Variants in RXRA observed in about 807,000 individuals in gnomAD.
The protein encoded by RXRA is retinoic acid receptor RXR-alpha.
In RXRA, 5 loss-of-function variants were observed where a neutral mutation model predicts 44.5. The observed-to-expected ratio is 0.11, with a 90% CI of 0.06 to 0.24. The LOEUF (loss-of-function observed/expected upper bound fraction) is 0.24. RXRA is among the 10% of genes least tolerant of loss of function. RXRA has a pLI of 1.00. For missense variants in RXRA, 412 were observed against 646.5 expected (o/e 0.64, Z 3.93); for synonymous variants, 291 against 271.4 (o/e 1.07, Z -0.71).
intron 1 of RXRA, among the ~76,000 whole-genome samples, chr9:134,339,052 C>T (rs1554747722): frequency 1.3e-5 from 2 of 152,372 alleles, no homozygotes; most frequent in Admixed American, 6.5e-5. Context: ...GGACTTGGAG[C>T]CGGACCTAGG....
chr9:134,367,261 G>A (rs931972169), intron 1 of RXRA, among the ~76,000 whole-genome samples: 1 of 152,118 alleles, frequency 6.6e-6, no homozygotes, highest in Non-Finnish European at 1.5e-5. Context: ...CTGGTCTGGC[G>A]TTTGTGATCT....
chr9:134,362,408 C>T (rs930349813), intron 1 of RXRA, among the ~76,000 whole-genome samples: 4 of 152,240 alleles, frequency 2.6e-5, no homozygotes, highest in Non-Finnish European at 5.9e-5. Context: ...AGACACTCTG[C>T]AGCCCGCGTT....
At chr9:134,350,872 C>A (rs1403839476) in intron 1 of RXRA, among the ~76,000 whole-genome samples, 3 of 152,236 alleles carry the variant, frequency 2.0e-5, no homozygotes, top group Non-Finnish European at 4.4e-5. Flanking sequence ...GCCTCCCCTG[C>A]CGCCTTGTCC....
chr9:134,399,603 T>C (rs898173492), intron 1 of RXRA, among the ~76,000 whole-genome samples: 2 of 152,166 alleles, frequency 1.3e-5, no homozygotes, highest in Admixed American at 6.5e-5. Flanking sequence ...CTCCCAGGAG[T>C]TGAATGACCA....
chr9:134,426,787 G>C lies in RXRA; in HGVS notation c.911-2321G>C, dbSNP rs1282998769. The C allele has an allele frequency of 2.0e-6, 2 of 985,310 alleles. No individual in the cohort carries two copies. The highest frequency in any genetic ancestry group is 3.5e-5 in the African/African-American group (2 of 57,224). 61.0% of individuals were successfully genotyped at this position (985,310 alleles called of 1,614,324 possible). A position where few individuals can be genotyped will look rare whatever the true frequency, so the allele number is the denominator to read the frequency against. On this transcript the variant is annotated intron_variant, in intron 6 of 9. Transcript: ENST00000481739. This position sits in a 1 kb window ranked among gnomAD's most constrained non-coding sequence, Gnocchi z 4.6. ...GAGGCAGGCCCGAGAGGCCAGGACT[G>C]GCCAGGGATGGTGGGTTTGGGGCCA... is the stretch of plus-strand genomic sequence containing the variant.
intron 4 of RXRA, among the ~76,000 whole-genome samples, chr9:134,409,621 A>C (rs1831115207): frequency 6.6e-6 from 1 of 152,198 alleles, no homozygotes; most frequent in Admixed American, 6.5e-5. Flanking sequence ...AAAATTGTCA[A>C]GTCATCCAGC....
rs1286936687 is a variant in RXRA, at chr9:134,343,542, A to G, written c.28+16883A>G. Among the ~76,000 whole-genome samples the G allele has an allele frequency of 6.6e-6, 1 of 152,054 alleles. No individual in the cohort carries two copies. Among genetic ancestry groups the G allele is most frequent in the Non-Finnish European group, 1.5e-5 (1 of 68,006 alleles). ...GGGAGGAGTGGTTGCAGGGGCAGCT[A>G]GTTCTGGAACCATCCTAGGACCTAG... is the stretch of plus-strand genomic sequence containing the variant. On this transcript the variant is annotated intron_variant, in intron 1 of 9. Transcript: ENST00000481739. This position sits in a 1 kb window ranked among gnomAD's most constrained non-coding sequence, Gnocchi z 4.1.
At position 134,407,103 on chromosome 9, in the gene RXRA, C is replaced by G. The variant is rs546542656; in HGVS notation, c.280-1046C>G. Among the ~76,000 whole-genome samples, 1 of 152,180 alleles carries G rather than the reference C, an allele frequency of 6.6e-6. No homozygotes were observed. On this transcript the variant is annotated intron_variant, in intron 2 of 9. Coordinates refer to ENST00000481739, the MANE Select transcript of RXRA (RefSeq NM_002957.6). This position sits in a 1 kb window ranked among gnomAD's most constrained non-coding sequence, Gnocchi z 4.8. Reference sequence around the variant, plus strand: ...AGCCTCACAGCCCACCTGGGCAGATCGAGGAAGAACCTAGAAGCCAGAACA... The same window carrying G: ...AGCCTCACAGCCCACCTGGGCAGATGGAGGAAGAACCTAGAAGCCAGAACA...
intron 1 of RXRA, among the ~76,000 whole-genome samples, chr9:134,362,944 G>A (rs527799830): frequency 6.6e-5 from 10 of 152,196 alleles, no homozygotes; most frequent in African/African-American, 1.2e-4. Flanking sequence ...CAGCCACCTC[G>A]GCTCCATTTG....
In RXRA at chr9:134,383,995, G is replaced by A. The variant is rs75831767; in HGVS notation, c.29-17637G>A. On this transcript the variant is annotated intron_variant, in intron 1 of 9. Transcript: ENST00000481739. ...TGTTGTTATTATGAGACTAGCATGT[G>A]CCTGTGGTACAGACCCCAGCTCAAC... is the stretch of plus-strand genomic sequence containing the variant. Among the ~76,000 whole-genome samples the A allele has an allele frequency of 9.7e-3, 1,474 of 152,274 alleles. 14 individuals carry two copies. Among genetic ancestry groups the A allele is most frequent in the Non-Finnish European group, 0.017 (1,124 of 68,006 alleles).
chr9:134,375,589 G>A (rs1830545807), intron 1 of RXRA, among the ~76,000 whole-genome samples: 1 of 152,180 alleles, frequency 6.6e-6, no homozygotes, highest in Non-Finnish European at 1.5e-5. Flanking sequence ...GAGTGACGCT[G>A]GGTTGGCCGT....
chr9:134,397,971 AT>A (rs1009496846), intron 1 of RXRA, among the ~76,000 whole-genome samples: 2 of 151,824 alleles, frequency 1.3e-5, no homozygotes, highest in African/African-American at 4.8e-5. Flanking sequence ...CCAAAGTAGG[AT>A]TTTTTTATTT....
chr9:134,386,433 G>A (rs1330321019), intron 1 of RXRA, among the ~76,000 whole-genome samples: 2 of 152,268 alleles, frequency 1.3e-5, no homozygotes, highest in African/African-American at 4.8e-5. Context: ...GCCTGGGTGG[G>A]TGCCTGTGTC....
chr9:134,329,515 C>T (rs1475196779), intron 1 of RXRA, among the ~76,000 whole-genome samples: 5 of 152,174 alleles, frequency 3.3e-5, no homozygotes, highest in African/African-American at 7.2e-5. Flanking sequence ...GGCCTGGACC[C>T]GAGCATGCAG....
Position 134,436,794 on chromosome 9 carries a change from C to T in RXRA, c.*180C>T. ...GTCACCCTCCTTATTTCTGTTACTA[C>T]TTGTCTGTGGCCCAGGGCAGTGGCT... is the stretch of plus-strand genomic sequence containing the variant. On this transcript the variant is annotated 3_prime_UTR_variant, in exon 10 of 10. Coordinates refer to ENST00000481739, the MANE Select transcript of RXRA (RefSeq NM_002957.6). 1 of 692,560 alleles carries T rather than the reference C, an allele frequency of 1.4e-6. No homozygotes were observed. The highest frequency in any genetic ancestry group is 3.0e-5 in the Admixed American group (1 of 33,598). 42.9% of individuals were successfully genotyped at this position (692,560 alleles called of 1,614,324 possible).
chr9:134,376,976 T>G (rs887740455), intron 1 of RXRA, among the ~76,000 whole-genome samples: 2 of 152,152 alleles, frequency 1.3e-5, no homozygotes, highest in Admixed American at 1.3e-4. Context: ...AGTGTGCGAT[T>G]GTGTGCCCTG....
In RXRA at chr9:134,438,714, C is replaced by T. The variant is rs4842194; in HGVS notation, c.*2100C>T. ...ACCCAACGCCAACACCTGGTGCCTT[C>T]TGCAGCCAGCGCCCACCCATCCGTG... On this transcript the variant is annotated 3_prime_UTR_variant, in exon 10 of 10. Transcript: ENST00000481739. 83,328 of 153,130 alleles carry T rather than the reference C, an allele frequency of 0.54. 24,567 individuals are homozygous for T. Among genetic ancestry groups the T allele is most frequent in the East Asian group, 0.66 (3,438 of 5,240 alleles). The allele number at this position is 153,130 out of a possible 1,614,324, so 9.5% of individuals were successfully genotyped here.
chr9:134,384,801 G>C (rs1469278267), intron 1 of RXRA, among the ~76,000 whole-genome samples: 1 of 152,214 alleles, frequency 6.6e-6, no homozygotes. Flanking sequence ...TGTGGGCAGT[G>C]GGTTTCCCTG....
At chr9:134,345,348 T>C (rs1268672526) in intron 1 of RXRA, among the ~76,000 whole-genome samples, 1 of 152,168 alleles carries the variant, frequency 6.6e-6, no homozygotes, top group African/African-American at 2.4e-5. Flanking sequence ...AAAGCCCTGA[T>C]GGGTTTTTGT....
Sources: allele counts gnomAD v4.1 joint callset (sites outside exome capture counted in the v4.1 genomes callset), GRCh38; gene constraint gnomAD v4.1.1; non-coding constraint Gnocchi (gnomAD v3.1); transcripts MANE v1.5; gene names NCBI Gene and HGNC (gene_info 2026-07-23, HGNC 2026-07-21).